ESRRG: variants seen among roughly 807,000 people sequenced by gnomAD.
ESRRG encodes estrogen-related receptor gamma.
A neutral mutation model predicts 44.0 loss-of-function variants in ESRRG; 13 were observed. That is an observed-to-expected ratio of 0.30 (90% confidence interval 0.19 to 0.47). ESRRG has a LOEUF of 0.47. ESRRG is among the 20% of genes least tolerant of loss of function. The pLI, the probability that ESRRG is intolerant of heterozygous loss-of-function variation, is 1.00. For missense variants in ESRRG, 395 were observed against 580.6 expected (o/e 0.68, Z 3.29); for synonymous variants, 215 against 214.6 (o/e 1.00, Z -0.02).
At chr1:216,775,599 C>A (rs1047244382) in intron 2 of ESRRG, among the ~76,000 whole-genome samples, 2 of 99,218 alleles carry the variant, frequency 2.0e-5, no homozygotes, top group Non-Finnish European at 4.0e-5. Context: ...TTTTAGACAG[C>A]GTCTCACGCT....
At chr1:216,974,831 G>C (rs192441541) in intron 1 of ESRRG, among the ~76,000 whole-genome samples, 2 of 151,148 alleles carry the variant, frequency 1.3e-5, no homozygotes, top group African/African-American at 4.9e-5. Context: ...CTCTCCCCTC[G>C]GAGGACAGGG....
At chr1:217,088,235 T>C (rs560794152) in intron 1 of ESRRG, among the ~76,000 whole-genome samples, 6 of 152,274 alleles carry the variant, frequency 3.9e-5, no homozygotes, top group African/African-American at 1.4e-4. Flanking sequence ...TCTTCAAAAC[T>C]AGACCAAGTC....
chr1:217,028,855 T>A (rs2081594911), intron 1 of ESRRG, among the ~76,000 whole-genome samples: 1 of 152,196 alleles, frequency 6.6e-6, no homozygotes, highest in African/African-American at 2.4e-5. Flanking sequence ...TCTTCCCAAT[T>A]GTTTTCTAGG....
chr1:216,892,155 G>C (rs1382700808), intron 2 of ESRRG, among the ~76,000 whole-genome samples: 1 of 152,014 alleles, frequency 6.6e-6, no homozygotes, highest in African/African-American at 2.4e-5. Flanking sequence ...ATTTAAATTT[G>C]AAGTTATATA....
At chr1:216,723,735 C>CT (rs561469324), upstream of ESRRG, among the ~76,000 whole-genome samples, 29 of 149,484 alleles carry the variant, frequency 1.9e-4, no homozygotes, top group African/African-American at 5.6e-4. Context: ...CTCTCTCTTT[C>CT]TTTTTTTTTT....
At chr1:217,002,234 A>G (rs1388575899) in intron 1 of ESRRG, among the ~76,000 whole-genome samples, 6 of 150,988 alleles carry the variant, frequency 4.0e-5, no homozygotes, top group African/African-American at 4.9e-5. Flanking sequence ...CCCAGGAGGC[A>G]GAGCTGGCAG....
chr1:216,753,945 TC>T (rs1224032671), intron 2 of ESRRG, among the ~76,000 whole-genome samples: 1 of 152,020 alleles, frequency 6.6e-6, no homozygotes, highest in Non-Finnish European at 1.5e-5. Context: ...AAGTTGGACT[TC>T]CTGGGCTTGT....
chr1:216,989,660 C>T (rs1416441398), intron 1 of ESRRG, among the ~76,000 whole-genome samples: 1 of 152,064 alleles, frequency 6.6e-6, no homozygotes, highest in Non-Finnish European at 1.5e-5. Context: ...ACTTATTATT[C>T]ACCTACGTCA....
intron 5 of ESRRG, among the ~76,000 whole-genome samples, chr1:216,554,675 G>A (rs1287669315): frequency 6.6e-6 from 1 of 152,078 alleles, no homozygotes; most frequent in African/African-American, 2.4e-5. Flanking sequence ...AATATGGATA[G>A]TTGGGGTCAC....
intron 2 of ESRRG, among the ~76,000 whole-genome samples, chr1:216,762,790 G>A (rs2092865094): frequency 6.6e-6 from 1 of 151,950 alleles, no homozygotes; most frequent in African/African-American, 2.4e-5. Context: ...TTCTGCAACA[G>A]TTCTTAGGTC....
chr1:216,577,467 C>CAGG (rs1355544873), intron 3 of ESRRG, among the ~76,000 whole-genome samples: 1 of 151,926 alleles, frequency 6.6e-6, no homozygotes. Flanking sequence ...ACATCAACAT[C>CAGG]AGAAGTGATT....
intron 1 of ESRRG, among the ~76,000 whole-genome samples, chr1:217,136,665 C>T (rs751188330): frequency 6.6e-6 from 1 of 152,206 alleles, no homozygotes; most frequent in Non-Finnish European, 1.5e-5. Flanking sequence ...CTGAACACAA[C>T]TTACTGCCCG....
chr1:216,914,448 C>A (rs1479373064), intron 2 of ESRRG, among the ~76,000 whole-genome samples: 2 of 152,106 alleles, frequency 1.3e-5, no homozygotes, highest in Admixed American at 6.6e-5. Context: ...TGCTAAGAGG[C>A]CATTTTTCAA....
chr1:217,031,401 GAAGGA>G (rs1329982712), intron 1 of ESRRG, among the ~76,000 whole-genome samples: 2 of 152,224 alleles, frequency 1.3e-5, no homozygotes, highest in Non-Finnish European at 2.9e-5. Context: ...CGCAGAAAGA[GAAGGA>G]AAGGAGAGTC....
intron 5 of ESRRG, among the ~76,000 whole-genome samples, chr1:216,526,783 G>A (rs867568352): frequency 1.3e-5 from 2 of 152,114 alleles, no homozygotes; most frequent in South Asian, 4.1e-4. Context: ...TCTGGGTAAC[G>A]GTGAGCACCT....
intron 2 of ESRRG, among the ~76,000 whole-genome samples, chr1:216,905,353 C>T (rs188470974): frequency 2.6e-5 from 4 of 152,218 alleles, no homozygotes; most frequent in Non-Finnish European, 4.4e-5. Context: ...CACCTCCAGG[C>T]CTTTGCACTT....
At chr1:216,580,947 T>C (rs1045308790) in intron 3 of ESRRG, among the ~76,000 whole-genome samples, 2 of 152,202 alleles carry the variant, frequency 1.3e-5, no homozygotes, top group African/African-American at 4.8e-5. Context: ...GCAAATAAAG[T>C]GCCCATGTTT....
chr1:216,797,052 T>G (rs1227103116), intron 2 of ESRRG, among the ~76,000 whole-genome samples: 1 of 151,828 alleles, frequency 6.6e-6, no homozygotes, highest in African/African-American at 2.4e-5. Flanking sequence ...CTGTCACACC[T>G]GGCTAATTTT....
chr1:216,508,637 C>T (rs1165280205), intron 6 of ESRRG, among the ~76,000 whole-genome samples: 1 of 152,164 alleles, frequency 6.6e-6, no homozygotes, highest in Non-Finnish European at 1.5e-5. Flanking sequence ...CAATCTCATC[C>T]ACCTCCTATG....
Sources: gnomAD v4.1 joint callset for allele counts (sites outside exome capture counted in the v4.1 genomes callset) on GRCh38, gnomAD v4.1.1 for gene constraint, MANE v1.5 for transcripts, NCBI Gene and HGNC (gene_info 2026-07-23, HGNC 2026-07-21) for gene names.